WWOX: variants seen among roughly 807,000 people sequenced by gnomAD.
The protein encoded by WWOX is WW domain containing oxidoreductase, also known as WW domain-containing oxidoreductase.
WWOX carries 69 observed loss-of-function variants against 46.2 expected under a neutral mutation model. That is an observed-to-expected ratio of 1.49 (90% CI 1.23 to 1.82). The LOEUF (loss-of-function observed/expected upper bound fraction) is 1.82. Among genes scored for constraint, WWOX ranks in the 40% most tolerant of loss-of-function variants. The pLI is 0.00. For missense variants in WWOX, 919 were observed against 542.6 expected, an observed-to-expected ratio of 1.69 and a Z score of -6.89; for synonymous variants, 359 against 202.6, an observed-to-expected ratio of 1.77 and a Z score of -6.56.
At chr16:78,239,348 C>T (rs1330684512) in intron 5 of WWOX, among the ~76,000 whole-genome samples, 1 of 152,116 alleles carries the variant, frequency 6.6e-6, no homozygotes, top group Non-Finnish European at 1.5e-5. Context: ...GTGGTCCTCC[C>T]ATCCCCGTGA....
intron 6 of WWOX, among the ~76,000 whole-genome samples, chr16:78,400,795 T>C (rs531088212): frequency 3.3e-5 from 5 of 152,316 alleles, no homozygotes; most frequent in African/African-American, 1.2e-4. Flanking sequence ...TACCCCTCAA[T>C]CAACACTACA....
At chr16:79,031,876 A>C (rs993931405) in intron 8 of WWOX, among the ~76,000 whole-genome samples, 5 of 50,742 alleles carry the variant, frequency 9.9e-5, no homozygotes, top group African/African-American at 2.2e-4. Context: ...AGATATCTAT[A>C]TACAGATATC....
chr16:78,522,229 C>T (rs945240014), intron 8 of WWOX, among the ~76,000 whole-genome samples: 1 of 150,316 alleles, frequency 6.7e-6, no homozygotes, highest in African/African-American at 2.5e-5. Context: ...GTTGTAGACT[C>T]ATGAAACCTA....
intron 8 of WWOX, among the ~76,000 whole-genome samples, chr16:78,949,326 G>A (rs1183673416): frequency 6.6e-6 from 1 of 152,136 alleles, no homozygotes; most frequent in Admixed American, 6.6e-5. Context: ...TTAAGGGGAT[G>A]ATAATTTGCT....
chr16:79,115,673 G>C (rs1012833306), intron 8 of WWOX, among the ~76,000 whole-genome samples: 1 of 152,150 alleles, frequency 6.6e-6, no homozygotes, highest in African/African-American at 2.4e-5. Flanking sequence ...GAGCTGCAGG[G>C]GGCCTCTCCC....
At chr16:78,384,416 C>T (rs980894591) in intron 5 of WWOX, among the ~76,000 whole-genome samples, 2 of 152,138 alleles carry the variant, frequency 1.3e-5, no homozygotes, top group Non-Finnish European at 2.9e-5. Flanking sequence ...GGTATTGAAA[C>T]ATTTACACTT....
At chr16:78,942,991 C>T (rs574675515) in intron 8 of WWOX, among the ~76,000 whole-genome samples, 1 of 152,318 alleles carries the variant, frequency 6.6e-6, no homozygotes, top group South Asian at 2.1e-4. Flanking sequence ...ATCAGATCAA[C>T]TTTGAATGAA....
At chr16:78,879,143 C>T (rs541716302) in intron 8 of WWOX, among the ~76,000 whole-genome samples, 178 of 152,166 alleles carry the variant, frequency 1.2e-3, no homozygotes, top group Non-Finnish European at 2.2e-3. Context: ...GGCAGAAAAA[C>T]GCAGATAAGA....
intron 8 of WWOX, among the ~76,000 whole-genome samples, chr16:78,626,110 A>C (rs1473633814): frequency 6.6e-6 from 1 of 151,668 alleles, no homozygotes; most frequent in East Asian, 1.9e-4. Flanking sequence ...CCAGGAGCCC[A>C]TCCAGGATAC....
intron 6 of WWOX, among the ~76,000 whole-genome samples, chr16:78,396,075 A>G (rs555130970): frequency 6.6e-6 from 1 of 152,146 alleles, no homozygotes; most frequent in Non-Finnish European, 1.5e-5. Flanking sequence ...TTTTGCCCTC[A>G]CCTCATCATT....
chr16:78,344,613 A>G (rs746463009), intron 5 of WWOX, among the ~76,000 whole-genome samples: 3 of 121,502 alleles, frequency 2.5e-5, no homozygotes, highest in South Asian at 4.9e-4. Context: ...TTCGGTAGAT[A>G]CTGGCTGTAC....
intron 5 of WWOX, among the ~76,000 whole-genome samples, chr16:78,374,627 C>T (rs370885255): frequency 2.7e-5 from 4 of 146,986 alleles, no homozygotes; most frequent in Middle Eastern, 3.7e-3. Context: ...TGGCTCACTG[C>T]AAGCTCCGCC....
At chr16:78,399,781 G>T (rs2082369824) in intron 6 of WWOX, among the ~76,000 whole-genome samples, 1 of 149,726 alleles carries the variant, frequency 6.7e-6, no homozygotes, top group South Asian at 2.1e-4. Flanking sequence ...TGTCACTTTG[G>T]AATCTACACT....
chr16:78,805,857 G>A (rs1050567315), intron 8 of WWOX, among the ~76,000 whole-genome samples: 3 of 152,190 alleles, frequency 2.0e-5, no homozygotes, highest in African/African-American at 7.2e-5. Context: ...AATATAGAAA[G>A]ATTAAGAGTT....
At chr16:78,811,992 T>A (rs1319415551) in intron 8 of WWOX, among the ~76,000 whole-genome samples, 27 of 152,298 alleles carry the variant, frequency 1.8e-4, no homozygotes, top group Non-Finnish European at 5.9e-5. Flanking sequence ...TGATAAACTA[T>A]AGCTATTATA....
intron 5 of WWOX, among the ~76,000 whole-genome samples, chr16:78,252,975 A>G (rs1338502036): frequency 6.6e-6 from 1 of 152,254 alleles, no homozygotes; most frequent in Non-Finnish European, 1.5e-5. Flanking sequence ...GGCTGATAGA[A>G]ACGCAAACAG....
At chr16:78,926,190 A>G (rs961489949) in intron 8 of WWOX, among the ~76,000 whole-genome samples, 4 of 152,074 alleles carry the variant, frequency 2.6e-5, no homozygotes, top group African/African-American at 4.8e-5. Flanking sequence ...CCTGGGTAAC[A>G]TGGCAAAACC....
In WWOX at chr16:79,211,791, G is replaced by C; in HGVS notation, c.1240G>C (p.Gly414Arg). ...LIQERLGSQS[G>R] The stretch of plus-strand genomic sequence containing the variant: ...CCAAGAACGGCTTGGCAGCCAGTCC[G>C]GCTAAGTGGAGCTCAGAGCGGATGG... The change falls in exon 9 of 9, where the codon GGC (glycine) becomes CGC (arginine). Residue 414 changes from glycine to arginine, a missense_variant. Physicochemically the swap from Gly to Arg is moderately radical, Grantham distance 125. Coordinates refer to ENST00000566780, the MANE Select transcript of WWOX (RefSeq NM_016373.4). The C allele has an allele frequency of 6.2e-7, 1 of 1,614,050 alleles. No homozygotes were observed. Among genetic ancestry groups the C allele is most frequent in the African/African-American group, 1.3e-5 (1 of 75,050 alleles).
chr16:78,463,559 G>A (rs918512010), intron 8 of WWOX, among the ~76,000 whole-genome samples: 13 of 152,140 alleles, frequency 8.5e-5, no homozygotes, highest in African/African-American at 2.9e-4. Flanking sequence ...TGGCTTATCA[G>A]GATGCATAGT....
Sources: allele counts gnomAD v4.1 joint callset (sites outside exome capture counted in the v4.1 genomes callset), GRCh38; gene constraint gnomAD v4.1.1; transcripts MANE v1.5; gene names NCBI Gene and HGNC (gene_info 2026-07-23, HGNC 2026-07-21).